The following PTGES3L variants were observed in gnomAD, a reference collection of about 807,000 sequenced individuals.
The protein encoded by PTGES3L is putative protein PTGES3L.
Under a neutral mutation model 25.0 loss-of-function variants are expected in PTGES3L, and 17 were observed. The ratio of observed to expected loss-of-function variants is 0.68; its 90% CI spans 0.47 to 1.02. PTGES3L has a LOEUF of 1.02. PTGES3L is among the 50% of genes least tolerant of loss of function. The pLI, the probability that PTGES3L is intolerant of heterozygous loss-of-function variation, is 0.00. For synonymous variants in PTGES3L, 59 were observed against 65.7 expected (o/e 0.90, Z 0.50); for missense variants, 202 against 197.5 (o/e 1.02, Z -0.14).
rs1464088595 is a variant in PTGES3L, at chr17:42,971,869, G to T, written c.289-173C>A. The T allele has an allele frequency of 1.0e-5, 6 of 596,440 alleles. No individual in the cohort carries two copies. The Admixed American group carries it at 1.8e-4, about 18-fold the overall frequency. 36.9% of individuals were successfully genotyped at this position (596,440 alleles called of 1,614,324 possible). The stretch of plus-strand genomic sequence containing the variant: ...CCTGCCAATCTACACACAAAGCTAG[G>T]CATGATAGAGTCTGAAAATCTCAGA... On this transcript the variant is annotated intron_variant, in intron 4 of 6. Transcript: ENST00000591916.
Position 42,979,618 on chromosome 17 carries a change from G to A in PTGES3L, c.54C>T (p.Phe18=). ...TGCTGTCCTCAACACAAAACTCCATGAACACATACCTGGGCCTGTCGTACC... is the reference window on the plus strand; with the variant it reads ...TGCTGTCCTCAACACAAAACTCCATAAACACATACCTGGGCCTGTCGTACC... The part of the protein sequence containing the change: ...TLWYDRPRYV[F]MEFCVEDSTD... The change falls in exon 2 of 7, where the codon TTC becomes TTT. Residue 18 remains phenylalanine, a synonymous_variant. Coordinates refer to ENST00000591916, the MANE Select transcript of PTGES3L (RefSeq NM_001261430.2). 1 of 1,614,114 alleles carries A rather than the reference G, an allele frequency of 6.2e-7. No homozygotes were observed. The highest frequency in any genetic ancestry group is 1.1e-5 in the South Asian group (1 of 91,076).
rs531874603 is a variant in PTGES3L at position 42,969,307 on chromosome 17, C to G, written c.433-121G>C. On this transcript the variant is annotated intron_variant, in intron 6 of 6. Transcript: ENST00000591916. ...AAGTTTCTTTTTGTGATTTCCTAAACCACCCAACTTAGGGGGCTAATATGA... is the reference window on the plus strand; with the variant it reads ...AAGTTTCTTTTTGTGATTTCCTAAAGCACCCAACTTAGGGGGCTAATATGA... 20 of 561,432 alleles carry G rather than the reference C, an allele frequency of 3.6e-5. 1 individual carries two copies. The South Asian group carries it at 6.0e-4, about 17-fold the overall frequency. The allele number at this position is 561,432 out of a possible 1,614,324, so 34.8% of individuals were successfully genotyped here.
intron 4 of PTGES3L, among the ~76,000 whole-genome samples, chr17:42,978,076 T>G (rs1321098443): frequency 1.1e-3 from 1 of 942 alleles, no homozygotes; most frequent in Admixed American, 0.019. Flanking sequence ...AAACTCCGAA[T>G]CAAAAAAAAA....
chr17:42,974,959 A>G (rs901681233), intron 4 of PTGES3L, among the ~76,000 whole-genome samples: 3 of 151,760 alleles, frequency 2.0e-5, no homozygotes, highest in Admixed American at 1.3e-4. Flanking sequence ...AACATGGCAA[A>G]ACCCCATCTC....
chr17:42,969,175 GTCAGAATC>G lies in PTGES3L; in HGVS notation c.436_443del (p.Asp146GlnfsTer3). On this transcript the variant is annotated frameshift_variant, in exon 7 of 7. Coordinates refer to ENST00000591916, the MANE Select transcript of PTGES3L (RefSeq NM_001261430.2). LOFTEE classifies it high-confidence loss of function. ...AATTACTTGTTGCATCATCAGCACT[GTCAGAATC>G]ATCCTGGGGGCGGGGGGGAAAAAAG... is the stretch of plus-strand genomic sequence containing the variant. 1 of 1,456,300 alleles carries G rather than the reference GTCAGAATC, an allele frequency of 6.9e-7. No homozygotes were observed. Among genetic ancestry groups the G allele is most frequent in the Non-Finnish European group, 9.2e-7 (1 of 1,091,404 alleles). 90.2% of individuals were successfully genotyped at this position (1,456,300 alleles called of 1,614,324 possible).
chr17:42,979,731 A>G, intron 1 of PTGES3L, 68 bp from the exon 2 acceptor site: 7 of 1,560,360 alleles, frequency 4.5e-6, no homozygotes, highest in Non-Finnish European at 6.1e-6. Flanking sequence ...TTGGGAAGGG[A>G]CTACCCAGGG....
chr17:42,969,005 TTAA>T lies in PTGES3L; in HGVS notation c.*140_*142del. On this transcript the variant is annotated 3_prime_UTR_variant, in exon 7 of 7. Coordinates refer to ENST00000591916, the MANE Select transcript of PTGES3L (RefSeq NM_001261430.2). ...GGAAGACAAGCTTGAAGGACGACCCTTAATAAAGAGCTTCTAGGAAAGTTCAGA... is the reference window on the plus strand; with the variant it reads ...GGAAGACAAGCTTGAAGGACGACCCTTAAAGAGCTTCTAGGAAAGTTCAGA... 1.6e-6 allele frequency: 1 copy of T among 613,588 alleles called. No individual in the cohort carries two copies. The highest frequency in any genetic ancestry group is 2.8e-5 in the East Asian group (1 of 35,952). The allele number at this position is 613,588 out of a possible 1,614,324, so 38.0% of individuals were successfully genotyped here.
At chr17:42,974,719 G>C (rs2049922743) in intron 4 of PTGES3L, among the ~76,000 whole-genome samples, 1 of 149,252 alleles carries the variant, frequency 6.7e-6, no homozygotes, top group East Asian at 2.0e-4. Context: ...GTTGCAGTGA[G>C]TCGAGATCAC....
chr17:42,979,122 A>T (rs772066992), intron 4 of PTGES3L, 48 bp downstream of exon 4: 1 of 1,595,796 alleles, frequency 6.3e-7, no homozygotes, highest in African/African-American at 1.3e-5. Flanking sequence ...TCCCAGCTGT[A>T]ACCTGGGTAC....
rs913558863 is a variant in PTGES3L at position 42,972,513 on chromosome 17, G to A, written c.289-817C>T. On this transcript the variant is annotated intron_variant, in intron 4 of 6. Coordinates refer to ENST00000591916, the MANE Select transcript of PTGES3L (RefSeq NM_001261430.2). Reference sequence around the variant, plus strand: ...ACGCCTGACTGGTTTTGGTGGAGACGGGGTTTCGCTGTGTTGGCTGGGCCG... The same window carrying A: ...ACGCCTGACTGGTTTTGGTGGAGACAGGGTTTCGCTGTGTTGGCTGGGCCG... Among the ~76,000 whole-genome samples, 228 of 152,280 alleles carry A rather than the reference G, an allele frequency of 1.5e-3. 1 individual carries two copies. The highest frequency in any genetic ancestry group is 5.1e-3 in the African/African-American group (211 of 41,568).
At chr17:42,973,788 G>C (rs2049902605) in intron 4 of PTGES3L, among the ~76,000 whole-genome samples, 1 of 148,724 alleles carries the variant, frequency 6.7e-6, no homozygotes, top group African/African-American at 2.5e-5. Flanking sequence ...ACAGATGCTT[G>C]AAGGCAGCAT....
intron 1 of PTGES3L, 79 bp downstream of exon 1, chr17:42,979,967 C>CTGGAGCGCCCAGAAGACT: frequency 6.8e-7 from 1 of 1,481,096 alleles, no homozygotes. Flanking sequence ...CTCACAGAAC[C>CTGGAGCGCCCAGAAGACT]TGGAGCGCCC....
chr17:42,970,545 G>A (rs987442322), intron 5 of PTGES3L, among the ~76,000 whole-genome samples: 2 of 152,028 alleles, frequency 1.3e-5, no homozygotes, highest in African/African-American at 2.4e-5. Flanking sequence ...GATTGGAGTC[G>A]GCTAGTGTTT....
chr17:42,968,258 T>G lies in PTGES3L; in HGVS notation c.*890A>C, dbSNP rs900857844. On this transcript the variant is annotated 3_prime_UTR_variant, in exon 7 of 7. Transcript: ENST00000591916. ...TTAAAAGTATAAAGAGGGCCGGGTG[T>G]GGTGGCTCATACATGTAATCCTAGC... 2 of 151,988 alleles carry G rather than the reference T, an allele frequency of 1.3e-5. No individual in the cohort carries two copies. The highest frequency in any genetic ancestry group is 1.3e-4 in the Admixed American group (2 of 15,206). The allele number at this position is 151,988 out of a possible 1,614,324, so 9.4% of individuals were successfully genotyped here.
chr17:42,970,585 A>T (rs1040035176), intron 5 of PTGES3L, among the ~76,000 whole-genome samples: 1 of 152,076 alleles, frequency 6.6e-6, no homozygotes. Context: ...ATATAACGAC[A>T]GTGTGTGATT....
intron 4 of PTGES3L, among the ~76,000 whole-genome samples, chr17:42,978,784 T>C (rs1400561299): frequency 6.6e-6 from 1 of 152,164 alleles, no homozygotes; most frequent in African/African-American, 2.4e-5. Flanking sequence ...GCAGATCACC[T>C]GAAGTCGGGA....
Position 42,969,191 on chromosome 17 carries a change from G to GGA in PTGES3L, c.433-6_433-5insTC. On this transcript the variant is annotated splice_polypyrimidine_tract_variant and splice_region_variant and intron_variant, in intron 6 of 6. Transcript: ENST00000591916. Reference sequence around the variant, plus strand: ...ATCAGCACTGTCAGAATCATCCTGGGGGCGGGGGGGAAAAAAGACAAAGCA... The same window carrying GGA: ...ATCAGCACTGTCAGAATCATCCTGGGGAGGCGGGGGGGAAAAAAGACAAAGCA... 1 of 604,798 alleles carries GGA rather than the reference G, an allele frequency of 1.7e-6. No homozygotes were observed. 37.5% of individuals were successfully genotyped at this position (604,798 alleles called of 1,614,324 possible).
At chr17:42,970,189 G>T in intron 6 of PTGES3L, 100 bp downstream of exon 6, 1 of 1,429,026 alleles carries the variant, frequency 7.0e-7, no homozygotes, top group South Asian at 1.2e-5. Context: ...AACAGGCACT[G>T]AGAACTACTG....
At position 42,969,165 on chromosome 17, in the gene PTGES3L, C is replaced by A; in HGVS notation, c.454G>T (p.Asp152Tyr). Residue 152 changes from aspartate (D) to tyrosine (Y), a missense_variant, in exon 7 of 7, where the codon GAT becomes TAT. Asp to Tyr is a radical substitution (Grantham distance 160). Transcript: ENST00000591916. Reference sequence around the variant, plus strand: ...ACAGAAAGTTAATTACTTGTTGCATCATCAGCACTGTCAGAATCATCCTGG... The same window carrying A: ...ACAGAAAGTTAATTACTTGTTGCATAATCAGCACTGTCAGAATCATCCTGG... ...DLDDDSDSAD[D>Y]ATSN 4 of 1,531,262 alleles carry A rather than the reference C, an allele frequency of 2.6e-6. No homozygotes were observed. The highest frequency in any genetic ancestry group is 3.5e-6 in the Non-Finnish European group (4 of 1,136,036). 94.9% of individuals were successfully genotyped at this position (1,531,262 alleles called of 1,614,324 possible). A position where few individuals can be genotyped will look rare whatever the true frequency, so the allele number is the denominator to read the frequency against.
Sources: gnomAD v4.1 joint callset for allele counts (sites outside exome capture counted in the v4.1 genomes callset) on GRCh38, gnomAD v4.1.1 for gene constraint, MANE v1.5 for transcripts, NCBI Gene and HGNC (gene_info 2026-07-23, HGNC 2026-07-21) for gene names.